CTNND2: variants seen among roughly 807,000 people sequenced by gnomAD.
The protein encoded by CTNND2 is catenin delta 2, also known as catenin delta-2.
CTNND2 carries 22 observed loss-of-function variants against 144.4 expected under a neutral mutation model. The ratio of observed to expected loss-of-function variants is 0.15; its 90% confidence interval spans 0.11 to 0.22. The LOEUF (loss-of-function observed/expected upper bound fraction) is 0.22, where lower values mean the gene tolerates loss of function less well. CTNND2 is among the 10% of genes least tolerant of loss of function. CTNND2 has a pLI of 1.00. For missense variants in CTNND2, 1,353 were observed against 1,618.8 expected, an observed-to-expected ratio of 0.84 and a Z score of 2.82; for synonymous variants, 751 against 695.6, an observed-to-expected ratio of 1.08 and a Z score of -1.25.
intron 2 of CTNND2, among the ~76,000 whole-genome samples, chr5:11,676,496 A>G (rs1285528806): frequency 6.6e-6 from 1 of 151,998 alleles, no homozygotes; most frequent in Non-Finnish European, 1.5e-5. Context: ...AAAAGAGATG[A>G]GCATTTATGA....
chr5:11,575,313 T>C (rs1373263450), intron 2 of CTNND2, among the ~76,000 whole-genome samples: 3 of 152,194 alleles, frequency 2.0e-5, no homozygotes, highest in African/African-American at 7.2e-5. Flanking sequence ...AAATAATGTT[T>C]GCATCCATAT....
chr5:11,193,020 G>A (rs955099099), intron 11 of CTNND2, among the ~76,000 whole-genome samples: 2 of 152,182 alleles, frequency 1.3e-5, no homozygotes, highest in African/African-American at 4.8e-5. Flanking sequence ...AACAGTGAGA[G>A]GAGGGAGAAC....
At chr5:11,195,571 A>T (rs897255191) in intron 11 of CTNND2, among the ~76,000 whole-genome samples, 1 of 152,258 alleles carries the variant, frequency 6.6e-6, no homozygotes, top group African/African-American at 2.4e-5. Flanking sequence ...TCCTTAACTA[A>T]AAGGAAAGGC....
chr5:11,147,915 A>T (rs886526), intron 12 of CTNND2, among the ~76,000 whole-genome samples: 2 of 152,124 alleles, frequency 1.3e-5, no homozygotes, highest in East Asian at 3.9e-4. Context: ...GAGTGAACAC[A>T]GCTCACATGT....
intron 17 of CTNND2, among the ~76,000 whole-genome samples, chr5:11,020,834 T>TAACCCTAACCCTAACCCTAACCC (rs1561183207): frequency 5.3e-5 from 8 of 152,244 alleles, no homozygotes; most frequent in African/African-American, 1.9e-4. Flanking sequence ...AATTTAACAC[T>TAACCCTAACCCTAACCCTAACCC]TCTTATTAAA....
chr5:11,457,229 C>G (rs960967915), intron 3 of CTNND2, among the ~76,000 whole-genome samples: 1 of 152,050 alleles, frequency 6.6e-6, no homozygotes, highest in Non-Finnish European at 1.5e-5. Flanking sequence ...TAGTGAGACC[C>G]TGTCTCTACA....
At chr5:11,178,704 T>C (rs753117695) in intron 11 of CTNND2, among the ~76,000 whole-genome samples, 13 of 152,178 alleles carry the variant, frequency 8.5e-5, no homozygotes, top group Non-Finnish European at 1.8e-4. Context: ...TATATATAAT[T>C]GGAAATTTAT....
intron 8 of CTNND2, among the ~76,000 whole-genome samples, chr5:11,347,172 C>A (rs1754885593): frequency 6.6e-6 from 1 of 152,158 alleles, no homozygotes; most frequent in Non-Finnish European, 1.5e-5. Flanking sequence ...CCATAATTAG[C>A]ACCAGAACAT....
At chr5:11,135,270 G>A (rs1158734330) in intron 12 of CTNND2, among the ~76,000 whole-genome samples, 2 of 152,124 alleles carry the variant, frequency 1.3e-5, no homozygotes, top group Non-Finnish European at 2.9e-5. Flanking sequence ...CTTCATGGGG[G>A]AAAATGTCAA....
intron 1 of CTNND2, among the ~76,000 whole-genome samples, chr5:11,848,054 A>G (rs183429279): frequency 2.6e-5 from 4 of 152,070 alleles, no homozygotes; most frequent in African/African-American, 7.2e-5. Flanking sequence ...CTATAGTAAC[A>G]ATTTTCTATA....
At chr5:11,637,771 C>A (rs1350248736) in intron 2 of CTNND2, among the ~76,000 whole-genome samples, 1 of 151,978 alleles carries the variant, frequency 6.6e-6, no homozygotes, top group Non-Finnish European at 1.5e-5. Context: ...ATTTATTTTT[C>A]AAATCCAATT....
At chr5:11,214,722 G>A (rs1738991530) in intron 10 of CTNND2, among the ~76,000 whole-genome samples, 1 of 152,042 alleles carries the variant, frequency 6.6e-6, no homozygotes, top group Admixed American at 6.5e-5. Flanking sequence ...TCTCATTATT[G>A]TTTCTTACTC....
chr5:11,535,290 C>A lies in CTNND2; in HGVS notation c.287+29654G>T, dbSNP rs1007673002. On this transcript the variant is annotated intron_variant, in intron 3 of 21. Coordinates refer to ENST00000304623, the MANE Select transcript of CTNND2 (RefSeq NM_001332.4). ...AAATGATTCACTTTCTCACTCTACA[C>A]AAATATACTGCCTCCAGTTCTTGTC... 3.3e-5 allele frequency among the ~76,000 whole-genome samples: 5 copies of A among 151,950 alleles called. No homozygotes were observed. The South Asian group carries it at 8.3e-4, about 25-fold the overall frequency.
At chr5:11,459,193 T>A (rs1561425248) in intron 3 of CTNND2, among the ~76,000 whole-genome samples, 1 of 152,216 alleles carries the variant, frequency 6.6e-6, no homozygotes, top group Admixed American at 6.5e-5. Flanking sequence ...GTTATTATTG[T>A]TGTTATATTA....
intron 11 of CTNND2, among the ~76,000 whole-genome samples, chr5:11,169,936 A>T (rs1309002374): frequency 6.6e-6 from 1 of 152,198 alleles, no homozygotes. Flanking sequence ...TGTCCAAAAC[A>T]AGACCACATT....
intron 3 of CTNND2, among the ~76,000 whole-genome samples, chr5:11,555,953 C>T (rs1776198272): frequency 6.6e-6 from 1 of 152,114 alleles, no homozygotes; most frequent in African/African-American, 2.4e-5. Flanking sequence ...CAGACACTCT[C>T]AAAGACTTTG....
rs190637345 is a variant in CTNND2 at position 11,093,551 on chromosome 5, A to G, written c.2637+5024T>C. On this transcript the variant is annotated intron_variant, in intron 15 of 21. Transcript: ENST00000304623. Reference sequence around the variant, plus strand: ...TTATGAATATCTAGTTTGCTAGTCAATTTGTCACAGAAAAAGAGTGTGCAT... The same window carrying G: ...TTATGAATATCTAGTTTGCTAGTCAGTTTGTCACAGAAAAAGAGTGTGCAT... 6.9e-3 allele frequency among the ~76,000 whole-genome samples: 1,044 copies of G among 152,254 alleles called. 5 individuals are homozygous for G. The highest frequency in any genetic ancestry group is 0.032 in the South Asian group (155 of 4,814).
At chr5:11,148,851 GTTTC>G (rs1757483740) in intron 12 of CTNND2, among the ~76,000 whole-genome samples, 1 of 152,222 alleles carries the variant, frequency 6.6e-6, no homozygotes, top group Admixed American at 6.5e-5. Context: ...CCTGGCATTG[GTTTC>G]TTTGTGAGCC....
chr5:11,847,395 T>C (rs932811041), intron 1 of CTNND2, among the ~76,000 whole-genome samples: 6 of 151,816 alleles, frequency 4.0e-5, no homozygotes, highest in South Asian at 2.1e-4. Context: ...AAAACAAATA[T>C]GGCGTCATCT....
Sources: gnomAD v4.1 joint callset for allele counts (sites outside exome capture counted in the v4.1 genomes callset) on GRCh38, gnomAD v4.1.1 for gene constraint, MANE v1.5 for transcripts, NCBI Gene and HGNC (gene_info 2026-07-23, HGNC 2026-07-21) for gene names.